CEP72: variants seen among roughly 807,000 people sequenced by gnomAD.
CEP72 encodes the protein centrosomal protein of 72 kDa.
CEP72 carries 78 observed loss-of-function variants against 65.7 expected under a neutral mutation model. That is an observed-to-expected ratio of 1.19 (90% confidence interval 0.99 to 1.43). The LOEUF (loss-of-function observed/expected upper bound fraction) is 1.43. Ranked by LOEUF, CEP72 falls within the 40% of genes most tolerant of loss-of-function variation. CEP72 has a pLI of 0.00. For missense variants in CEP72, 914 were observed against 832.9 expected, an observed-to-expected ratio of 1.10 and a Z score of -1.20; for synonymous variants, 358 against 351.7, an observed-to-expected ratio of 1.02 and a Z score of -0.20.
chr5:640,748 C>T (rs916124224), intron 9 of CEP72, 144 bp downstream of exon 9: 55 of 1,436,680 alleles, frequency 3.8e-5, no homozygotes, highest in Non-Finnish European at 4.6e-5. Flanking sequence ...CTGCCCGGGA[C>T]CCGGCCACCC....
At chr5:635,636 G>A (rs768905137) in intron 6 of CEP72, 52 bp downstream of exon 6, 20 of 1,366,990 alleles carry the variant, frequency 1.5e-5, no homozygotes, top group Admixed American at 1.0e-4. Context: ...GAAAACCACA[G>A]ACTGAGTAAT....
intron 3 of CEP72, among the ~76,000 whole-genome samples, chr5:622,298 C>T (rs1736443758): frequency 6.6e-6 from 1 of 150,992 alleles, no homozygotes; most frequent in South Asian, 2.1e-4. Flanking sequence ...TTTCTCTGAC[C>T]TTCTAAAAGT....
chr5:654,707 T>C (rs2126837278), downstream of CEP72, among the ~76,000 whole-genome samples: 1 of 152,348 alleles, frequency 6.6e-6, no homozygotes, highest in Non-Finnish European at 1.5e-5. Context: ...TAATCCACTT[T>C]AAGCTTATAG....
chr5:641,625 C>T (rs1738033409), intron 9 of CEP72: 1 of 983,446 alleles, frequency 1.0e-6, no homozygotes, highest in Admixed American at 6.2e-5. Context: ...CTGGAAGCCT[C>T]TGTATTTAAA....
chr5:664,367 A>ATT (rs1262021594), intron 2 of CEP72: 2 of 152,398 alleles, frequency 1.3e-5, no homozygotes, highest in African/African-American at 4.8e-5. Flanking sequence ...TCAGGAAAGC[A>ATT]AAGCGAGCCT....
chr5:618,938 A>G (rs1015275494), intron 1 of CEP72, 52 bp from the exon 2 acceptor site: 1 of 1,435,984 alleles, frequency 7.0e-7, no homozygotes, highest in African/African-American at 1.4e-5. Context: ...GACCGTTATT[A>G]TAATTGTTTT....
chr5:638,447 T>C (rs896028550), intron 7 of CEP72, among the ~76,000 whole-genome samples: 3 of 151,790 alleles, frequency 2.0e-5, no homozygotes, highest in African/African-American at 7.3e-5. Context: ...CACTTGGTAC[T>C]TGCCACAACG....
chr5:642,440 G>A (rs1738118662), intron 9 of CEP72: 1 of 985,488 alleles, frequency 1.0e-6, no homozygotes, highest in South Asian at 4.7e-5. Flanking sequence ...TGTCTGGAAA[G>A]TGAGCTGGGC....
intron 8 of CEP72, among the ~76,000 whole-genome samples, chr5:639,799 G>A (rs999658058): frequency 6.6e-6 from 1 of 152,202 alleles, no homozygotes; most frequent in African/African-American, 2.4e-5. Flanking sequence ...GCATCCTGGG[G>A]TGTGGCTGTG....
chr5:671,806 G>C (rs1740232972), downstream of CEP72, among the ~76,000 whole-genome samples: 1 of 152,230 alleles, frequency 6.6e-6, no homozygotes, highest in South Asian at 2.1e-4. Flanking sequence ...GGGCTCCAGA[G>C]CCGCCGAGTG....
the CEP72 span, among the ~76,000 whole-genome samples, chr5:672,437 C>T: frequency 5.9e-5 from 9 of 152,276 alleles, no homozygotes; most frequent in African/African-American, 9.6e-5. Flanking sequence ...AGCACACAAG[C>T]GTGGGTCCTG....
chr5:637,526 A>T lies in CEP72; in HGVS notation c.914A>T (p.Asp305Val). 6.2e-7 allele frequency: 1 copy of T among 1,613,102 alleles called. No homozygotes were observed. The highest frequency in any genetic ancestry group is 1.7e-4 in the Middle Eastern group (1 of 6,056). The change falls in exon 7 of 12, where the codon GAT (aspartate) becomes GTT (valine). Residue 305 changes from aspartate (D) to valine (V), a missense_variant. By Grantham distance (152) the Asp-to-Val change is radical. Transcript: ENST00000264935. ...CCTCTCTATATCTCAGACTCCATGGATACCGAGGACTCGGCCTCTTCTCAG... is the reference window on the plus strand; with the variant it reads ...CCTCTCTATATCTCAGACTCCATGGTTACCGAGGACTCGGCCTCTTCTCAG... ...TYFTPHPDSM[D>V]TEDSASSQKL...
intron 1 of CEP72, chr5:662,321 G>T (rs199674486): frequency 1.3e-5 from 2 of 152,678 alleles, no homozygotes; most frequent in East Asian, 3.8e-4. Context: ...GCTCAGGGCC[G>T]GTTTCTGGTG....
At chr5:632,992 C>T (rs1258169748) in intron 4 of CEP72, among the ~76,000 whole-genome samples, 65 of 71,074 alleles carry the variant, frequency 9.1e-4, no homozygotes, top group South Asian at 1.9e-3. Flanking sequence ...GGGGTTCTGT[C>T]CAGTGCCGGG....
At chr5:667,987 G>T (rs1175327007), downstream of CEP72, among the ~76,000 whole-genome samples, 6 of 51,082 alleles carry the variant, frequency 1.2e-4, no homozygotes, top group South Asian at 1.3e-3. Context: ...CAGAGAGGGG[G>T]CCGTGTGGGC....
chr5:619,072 T>C lies in CEP72; in HGVS notation c.165T>C (p.Gly55=). ...GACATTCTCTGATGAGTTTAACAGGTCTGAAATCTTTGGATCTCTCGCGCA... is the reference window on the plus strand; with the variant it reads ...GACATTCTCTGATGAGTTTAACAGGCCTGAAATCTTTGGATCTCTCGCGCA... ...HLGHSLMSLT[G]LKSLDLSRNS... The change falls in exon 2 of 12, where the codon GGT becomes GGC. Residue 55 remains glycine (G), a synonymous_variant. Coordinates refer to ENST00000264935, the MANE Select transcript of CEP72 (RefSeq NM_018140.4). 2 of 1,613,832 alleles carry C rather than the reference T, an allele frequency of 1.2e-6. No homozygotes were observed. Among genetic ancestry groups the C allele is most frequent in the Non-Finnish European group, 1.7e-6 (2 of 1,179,718 alleles).
At position 639,101 on chromosome 5, in the gene CEP72, T is replaced by C; in HGVS notation, c.1219T>C (p.Ser407Pro). ...GTTTCCATCACAGCCGTCTCCCGGG[T>C]CACACTCGGCTCTACCCGGGAAGAA... ...VTDTREPSPGSHSALPGKKTA... is the reference protein window; with the variant it reads ...VTDTREPSPGPHSALPGKKTA... The change falls in exon 8 of 12, where the codon TCA becomes CCA. Residue 407 changes from serine (S) to proline (P), a missense_variant. By Grantham distance (74) the Ser-to-Pro change is moderately conservative. Coordinates refer to ENST00000264935, the MANE Select transcript of CEP72 (RefSeq NM_018140.4). 1 of 1,613,236 alleles carries C rather than the reference T, an allele frequency of 6.2e-7. No individual in the cohort carries two copies. The highest frequency in any genetic ancestry group is 8.5e-7 in the Non-Finnish European group (1 of 1,179,848).
chr5:612,370 G>T lies in CEP72; in HGVS notation c.9G>T (p.Arg3=), dbSNP rs749453691. 4.0e-6 allele frequency: 6 copies of T among 1,490,698 alleles called. No individual in the cohort carries two copies. Among genetic ancestry groups the T allele is most frequent in the Non-Finnish European group, 4.4e-6 (5 of 1,125,498 alleles). The allele number at this position is 1,490,698 out of a possible 1,614,324, so 92.3% of individuals were successfully genotyped here. The stretch of plus-strand genomic sequence containing the variant: ...AGGGCTCCGTTTGAAACATGGCGCG[G>T]GCTGGCCCTCGGCTGGTGCTGAGCG... MA[R]AGPRLVLSEE... The change falls in exon 1 of 12, where the codon CGG becomes CGT. Residue 3 remains arginine, a synonymous_variant. Transcript: ENST00000264935.
intron 4 of CEP72, among the ~76,000 whole-genome samples, chr5:627,801 T>G (rs1381930275): frequency 1.3e-5 from 2 of 152,244 alleles, no homozygotes; most frequent in African/African-American, 4.8e-5. Flanking sequence ...AGTATTTTAC[T>G]TGGCTTCACA....
Sources: gnomAD v4.1 joint callset for allele counts (sites outside exome capture counted in the v4.1 genomes callset) on GRCh38, gnomAD v4.1.1 for gene constraint, MANE v1.5 for transcripts, NCBI Gene and HGNC (gene_info 2026-07-23, HGNC 2026-07-21) for gene names.